The following CNST variants were observed in gnomAD, a reference collection of about 807,000 sequenced individuals.
CNST encodes consortin, connexin sorting protein, also known as consortin.
In CNST, 39 loss-of-function variants were observed where a neutral mutation model predicts 72.4. That is an observed-to-expected ratio of 0.54 (90% CI 0.42 to 0.70). The LOEUF (loss-of-function observed/expected upper bound fraction) is 0.70, where lower values mean the gene tolerates loss of function less well. Ranked by LOEUF, CNST falls within the 30% of genes least tolerant of loss-of-function variation. The probability of loss-of-function intolerance (pLI) is 0.00; values close to 1 mark genes in which losing one functional copy is unlikely to be tolerated. For synonymous variants in CNST, 332 were observed against 320.1 expected (o/e 1.04, Z -0.40); for missense variants, 871 against 868.5 (o/e 1.00, Z -0.04).
chr1:246,567,834 T>C (rs1659815840), intron 1 of CNST, among the ~76,000 whole-genome samples: 1 of 152,182 alleles, frequency 6.6e-6, no homozygotes, highest in Non-Finnish European at 1.5e-5. Context: ...CTCTCTCCAT[T>C]ACTGAGCTGC....
At chr1:246,609,440 G>A (rs1663154013) in intron 2 of CNST, among the ~76,000 whole-genome samples, 1 of 152,226 alleles carries the variant, frequency 6.6e-6, no homozygotes, top group African/African-American at 2.4e-5. Flanking sequence ...ATATGGGCAT[G>A]GTGGTGGGCG....
At chr1:246,624,070 A>G (rs964722473) in intron 3 of CNST, among the ~76,000 whole-genome samples, 13 of 152,328 alleles carry the variant, frequency 8.5e-5, no homozygotes, top group Admixed American at 6.5e-4. Flanking sequence ...CTAAAAATAG[A>G]CAAACAAAAA....
At chr1:246,646,228 C>T (rs990907122) in intron 8 of CNST, among the ~76,000 whole-genome samples, 23 of 146,264 alleles carry the variant, frequency 1.6e-4, no homozygotes, top group South Asian at 1.1e-3. Flanking sequence ...TGCAGTGAGC[C>T]GAGATCGCGC....
intron 6 of CNST, among the ~76,000 whole-genome samples, chr1:246,636,019 A>G (rs1272621318): frequency 6.6e-6 from 1 of 152,238 alleles, no homozygotes; most frequent in Non-Finnish European, 1.5e-5. Context: ...AAAGGAATCC[A>G]TCGGGGCAGT....
At chr1:246,642,121 G>T in intron 8 of CNST, 84 bp downstream of exon 8, 2 of 455,310 alleles carry the variant, frequency 4.4e-6, no homozygotes, top group Non-Finnish European at 3.6e-6. Context: ...CTGAATTGCT[G>T]CAAAGGATCT....
intron 2 of CNST, among the ~76,000 whole-genome samples, chr1:246,592,980 C>T (rs982735231): frequency 6.6e-6 from 1 of 152,130 alleles, no homozygotes. Flanking sequence ...AGACTGGATT[C>T]CTTAGTGTAG....
chr1:246,634,362 A>T (rs972823125), intron 5 of CNST, 111 bp from the exon 6 acceptor site: 2 of 629,002 alleles, frequency 3.2e-6, no homozygotes, highest in Non-Finnish European at 5.5e-6. Flanking sequence ...GTTTGAAAAG[A>T]TAATTTTGCA....
At chr1:246,588,836 A>G (rs1057027293) in intron 1 of CNST, among the ~76,000 whole-genome samples, 3 of 152,180 alleles carry the variant, frequency 2.0e-5, no homozygotes, top group Non-Finnish European at 2.9e-5. Context: ...CTATATTTCA[A>G]TTTCATAAAA....
At chr1:246,622,487 G>C (rs956784657) in intron 3 of CNST, among the ~76,000 whole-genome samples, 5 of 152,238 alleles carry the variant, frequency 3.3e-5, no homozygotes, top group African/African-American at 1.2e-4. Context: ...AACAGAATGA[G>C]CTGGTCCAGG....
At chr1:246,633,448 C>CAAAAAAA (rs796468053) in intron 4 of CNST, among the ~76,000 whole-genome samples, 1 of 108,294 alleles carries the variant, frequency 9.2e-6, no homozygotes, top group Non-Finnish European at 1.9e-5. Context: ...GACTGTGTCT[C>CAAAAAAA]AAAAAAAAAA....
chr1:246,613,801 C>T (rs1663504696), intron 2 of CNST, among the ~76,000 whole-genome samples: 1 of 146,594 alleles, frequency 6.8e-6, no homozygotes, highest in African/African-American at 2.6e-5. Context: ...TCGAGTGATT[C>T]TCCTGCCTCA....
intron 10 of CNST, among the ~76,000 whole-genome samples, chr1:246,663,336 TAAAA>T (rs768843517): frequency 1.7e-5 from 2 of 116,528 alleles, no homozygotes; most frequent in East Asian, 2.5e-4. Context: ...ACCCTATGTC[TAAAA>T]AAAAAAAAAA....
At chr1:246,642,083 C>A (rs1368205565) in intron 8 of CNST, 46 bp downstream of exon 8, 1 of 988,930 alleles carries the variant, frequency 1.0e-6, no homozygotes, top group Non-Finnish European at 1.5e-6. Context: ...AGATACCTGC[C>A]TCTTCTGATC....
chr1:246,655,139 T>G (rs1666704900), intron 9 of CNST, among the ~76,000 whole-genome samples: 1 of 152,186 alleles, frequency 6.6e-6, no homozygotes, highest in Non-Finnish European at 1.5e-5. Context: ...AATTGCCCCC[T>G]TAAGCAAGCA....
At position 246,591,633 on chromosome 1, in the gene CNST, G is replaced by C. The variant is rs1460585751; in HGVS notation, c.71G>C (p.Ser24Thr). 6.2e-7 allele frequency: 1 copy of C among 1,614,106 alleles called. No homozygotes were observed. Among genetic ancestry groups the C allele is most frequent in the African/African-American group, 1.3e-5 (1 of 74,942 alleles). Residue 24 changes from serine to threonine, a missense_variant, in exon 2 of 11, where the codon AGC (serine) becomes ACC (threonine). Coordinates refer to ENST00000366513, the MANE Select transcript of CNST (RefSeq NM_152609.3). ...CAAGATGGATGTCATCCTGGTGACA[G>C]CGTGGAAAGGAGTGTGACCTGTCTG... is the stretch of plus-strand genomic sequence containing the variant. ...EPQDGCHPGD[S>T]VERSVTCLPS... is the part of the protein sequence containing the mutation.
chr1:246,635,402 C>T (rs1665137596), intron 6 of CNST, among the ~76,000 whole-genome samples: 2 of 151,844 alleles, frequency 1.3e-5, no homozygotes, highest in South Asian at 4.2e-4. Flanking sequence ...CTGTCCCTAC[C>T]AGCGTTTTAA....
intron 3 of CNST, among the ~76,000 whole-genome samples, chr1:246,628,278 A>G (rs1664570463): frequency 6.6e-6 from 1 of 152,144 alleles, no homozygotes; most frequent in Non-Finnish European, 1.5e-5. Context: ...GTATCCTTCA[A>G]TCCAATCACG....
At chr1:246,658,738 ACTGGC>A (rs71746680) in intron 9 of CNST, among the ~76,000 whole-genome samples, 4 of 102,964 alleles carry the variant, frequency 3.9e-5, no homozygotes, top group Admixed American at 1.1e-4. Context: ...CCAGCAAGTC[ACTGGC>A]CTGATGCCAG....
At chr1:246,589,869 T>C (rs1053161124) in intron 1 of CNST, among the ~76,000 whole-genome samples, 16 of 152,358 alleles carry the variant, frequency 1.1e-4, no homozygotes, top group Non-Finnish European at 1.8e-4. Context: ...TGGCCAGTGA[T>C]GATGAGCATT....
Sources: allele counts gnomAD v4.1 joint callset (sites outside exome capture counted in the v4.1 genomes callset), GRCh38; gene constraint gnomAD v4.1.1; transcripts MANE v1.5; gene names NCBI Gene and HGNC (gene_info 2026-07-23, HGNC 2026-07-21).